The following WWP2 variants were observed in gnomAD, a reference collection of about 807,000 sequenced individuals.
The protein encoded by WWP2 is WW domain containing E3 ubiquitin protein ligase 2.
Under a neutral mutation model 121.0 loss-of-function variants are expected in WWP2, and 57 were observed. The ratio of observed to expected loss-of-function variants is 0.47; its 90% CI spans 0.38 to 0.59. WWP2 has a LOEUF of 0.59. Ranked by LOEUF, WWP2 falls within the 20% of genes least tolerant of loss-of-function variation. The pLI, the probability that WWP2 is intolerant of heterozygous loss-of-function variation, is 0.00. For synonymous variants in WWP2, 449 were observed against 441.3 expected, an observed-to-expected ratio of 1.02 and a Z score of -0.22; for missense variants, 962 against 1,158.9, an observed-to-expected ratio of 0.83 and a Z score of 2.47.
Position 69,769,232 on chromosome 16 carries a change from G to A in WWP2, c.-16+6841G>A, listed in dbSNP as rs181230326. On this transcript the variant is annotated intron_variant, in intron 1 of 23. Transcript: ENST00000359154. Reference sequence around the variant, plus strand: ...CTCGGAAGGCTGAGGCAAGAGAATTGCTTGAACCCGGGAGGTGGAGGTTTG... The same window carrying A: ...CTCGGAAGGCTGAGGCAAGAGAATTACTTGAACCCGGGAGGTGGAGGTTTG... 3.4e-3 allele frequency among the ~76,000 whole-genome samples: 512 copies of A among 149,158 alleles called. 3 individuals are homozygous for A. The highest frequency in any genetic ancestry group is 5.3e-3 in the Non-Finnish European group (361 of 67,734).
intron 6 of WWP2, among the ~76,000 whole-genome samples, chr16:69,845,202 G>T (rs1416262502): frequency 2.0e-5 from 3 of 152,116 alleles, no homozygotes; most frequent in East Asian, 1.9e-4. Context: ...CTGAGATGAG[G>T]CATGTCAGTC....
chr16:69,916,161 CAA>C (rs1435897580), intron 9 of WWP2, among the ~76,000 whole-genome samples: 1 of 152,062 alleles, frequency 6.6e-6, no homozygotes, highest in African/African-American at 2.4e-5. Flanking sequence ...GATTTTGACT[CAA>C]GGGCAATGGG....
chr16:69,812,161 CTTTTTT>C (rs1021541952), intron 4 of WWP2, among the ~76,000 whole-genome samples: 3 of 108,438 alleles, frequency 2.8e-5, no homozygotes, highest in African/African-American at 3.7e-5. Flanking sequence ...GAGTACAGAC[CTTTTTT>C]TTTTTTTTTT....
chr16:69,769,442 A>C (rs901027251), intron 1 of WWP2, among the ~76,000 whole-genome samples: 19 of 152,158 alleles, frequency 1.2e-4, no homozygotes, highest in Admixed American at 9.8e-4. Context: ...GATTATATTG[A>C]AAAAAATTTT....
intron 6 of WWP2, among the ~76,000 whole-genome samples, chr16:69,871,347 C>T (rs2057632938): frequency 6.6e-6 from 1 of 152,116 alleles, no homozygotes; most frequent in South Asian, 2.1e-4. Flanking sequence ...TGTTTAATGC[C>T]CCTTGACTTT....
intron 6 of WWP2, among the ~76,000 whole-genome samples, chr16:69,850,845 C>G (rs1171467108): frequency 6.6e-6 from 1 of 151,882 alleles, no homozygotes; most frequent in Non-Finnish European, 1.5e-5. Context: ...GTGAAATCTG[C>G]CGTGTTTTTT....
intron 2 of WWP2, among the ~76,000 whole-genome samples, chr16:69,792,046 A>G (rs1028597902): frequency 3.3e-5 from 5 of 152,130 alleles, no homozygotes; most frequent in Non-Finnish European, 5.9e-5. Context: ...GAAAGAGAGA[A>G]ATAACCATTT....
chr16:69,772,881 T>A (rs2151770012), intron 1 of WWP2, among the ~76,000 whole-genome samples: 1 of 152,212 alleles, frequency 6.6e-6, no homozygotes. Flanking sequence ...TGTGGGCAGC[T>A]AAGTTTCAGT....
At chr16:69,797,094 C>T (rs1186132874) in intron 2 of WWP2, among the ~76,000 whole-genome samples, 1 of 152,166 alleles carries the variant, frequency 6.6e-6, no homozygotes, top group Non-Finnish European at 1.5e-5. Flanking sequence ...GTGTTTTACC[C>T]TAGCGACCTG....
chr16:69,890,798 AT>A (rs1424603398), intron 8 of WWP2: 1 of 152,062 alleles, frequency 6.6e-6, no homozygotes, highest in Non-Finnish European at 1.5e-5. Context: ...AACGCTCTTT[AT>A]TCTAAGTCTG....
intron 1 of WWP2, among the ~76,000 whole-genome samples, chr16:69,783,504 G>C (rs1431001291): frequency 6.6e-6 from 1 of 151,892 alleles, no homozygotes; most frequent in Non-Finnish European, 1.5e-5. Flanking sequence ...CCTGTGAGTA[G>C]CCACTGTACT....
chr16:69,888,410 T>C (rs773115489), intron 8 of WWP2, among the ~76,000 whole-genome samples, 161 bp downstream of exon 8: 4 of 152,222 alleles, frequency 2.6e-5, no homozygotes, highest in Non-Finnish European at 5.9e-5. Flanking sequence ...CTGCTTGTTC[T>C]ACATAAATCT....
At chr16:69,914,782 C>T (rs2058455542) in intron 9 of WWP2, among the ~76,000 whole-genome samples, 1 of 152,146 alleles carries the variant, frequency 6.6e-6, no homozygotes, top group Admixed American at 6.5e-5. Context: ...AAATGATTTC[C>T]TGTCTAGAAA....
chr16:69,889,755 G>A (rs1426753531), intron 8 of WWP2, among the ~76,000 whole-genome samples: 1 of 152,172 alleles, frequency 6.6e-6, no homozygotes, highest in African/African-American at 2.4e-5. Context: ...AGTTTGGTGT[G>A]GAGGAAACCC....
intron 4 of WWP2, among the ~76,000 whole-genome samples, chr16:69,836,704 A>G (rs1396981582): frequency 2.0e-5 from 3 of 152,000 alleles, no homozygotes; most frequent in Non-Finnish European, 4.4e-5. Flanking sequence ...TATGCCCCCA[A>G]CCCAGGCTCA....
At chr16:69,908,709 G>T (rs201701573) in intron 8 of WWP2, 52 bp from the exon 9 acceptor site, 6 of 1,589,398 alleles carry the variant, frequency 3.8e-6, no homozygotes, top group Non-Finnish European at 5.1e-6. Context: ...TCTAACAGGG[G>T]CCTATGCCTT....
chr16:69,778,559 A>G (rs1041336613), intron 1 of WWP2, among the ~76,000 whole-genome samples: 3 of 152,120 alleles, frequency 2.0e-5, no homozygotes, highest in African/African-American at 7.2e-5. Flanking sequence ...CCTAATACGC[A>G]TTAGGAACCT....
At position 69,925,626 on chromosome 16, in the gene WWP2, C is replaced by A; in HGVS notation, c.1234+142C>A. On this transcript the variant is annotated intron_variant, in intron 11 of 23. Transcript: ENST00000359154. This position sits in a 1 kb window ranked among gnomAD's most constrained non-coding sequence, Gnocchi z 4.0. Reference sequence around the variant, plus strand: ...CTCCAGCACACTCTCTGGGCATGCCCCACCAGAGCAATTACAGGTGATGGA... The same window carrying A: ...CTCCAGCACACTCTCTGGGCATGCCACACCAGAGCAATTACAGGTGATGGA... The A allele has an allele frequency of 8.6e-7, 1 of 1,161,868 alleles. No homozygotes were observed. Among genetic ancestry groups the A allele is most frequent in the Non-Finnish European group, 1.2e-6 (1 of 844,282 alleles). 72.0% of individuals were successfully genotyped at this position (1,161,868 alleles called of 1,614,324 possible). A position where few individuals can be genotyped will look rare whatever the true frequency, so the allele number is the denominator to read the frequency against.
rs201934863 is a variant in WWP2 at position 69,925,404 on chromosome 16, T to G, written c.1180-26T>G. On this transcript the variant is annotated intron_variant, in intron 10 of 23. Transcript: ENST00000359154. The surrounding 1 kb of genome is among the most constrained non-coding windows in gnomAD (Gnocchi z 4.0). ...CACCAGTGGCTTTTTGTAACCTCTG[T>G]GTTCTGCTGTGTTTCTTGTGTTTAG... The G allele has an allele frequency of 6.2e-7, 1 of 1,609,924 alleles. No individual in the cohort carries two copies. Among genetic ancestry groups the G allele is most frequent in the Admixed American group, 1.7e-5 (1 of 58,380 alleles).
Sources: gnomAD v4.1 joint callset for allele counts (sites outside exome capture counted in the v4.1 genomes callset) on GRCh38, gnomAD v4.1.1 for gene constraint, Gnocchi (gnomAD v3.1) non-coding constraint, MANE v1.5 for transcripts, NCBI Gene and HGNC (gene_info 2026-07-23, HGNC 2026-07-21) for gene names.